NDUFAB1: variants seen among roughly 807,000 people sequenced by gnomAD.
The protein encoded by NDUFAB1 is NADH:ubiquinone oxidoreductase subunit AB1, also known as acyl carrier protein, mitochondrial.
In NDUFAB1, 5 loss-of-function variants were observed where a neutral mutation model predicts 16.1. The observed-to-expected ratio is 0.31, with a 90% CI of 0.16 to 0.65. The LOEUF is 0.65. Ranked by LOEUF, NDUFAB1 falls within the 30% of genes least tolerant of loss-of-function variation. The probability of loss-of-function intolerance (pLI) is 0.77; values close to 1 mark genes in which losing one functional copy is unlikely to be tolerated. For missense variants in NDUFAB1, 187 were observed against 205.3 expected (o/e 0.91, Z 0.54); for synonymous variants, 85 against 78.4 (o/e 1.08, Z -0.44).
At chr16:23,582,565 ATGTTTGTTTGTTTGTT>A (rs56827728) in intron 3 of NDUFAB1, among the ~76,000 whole-genome samples, 190 bp from the exon 4 acceptor site, 3 of 151,460 alleles carry the variant, frequency 2.0e-5, no homozygotes. Flanking sequence ...CTTTGGAGGT[ATGTTTGTTTGTTTGTT>A]TGTTTGTTTG....
At chr16:23,595,747 C>G (rs549240112) in intron 1 of NDUFAB1, 1 of 460,718 alleles carries the variant, frequency 2.2e-6, no homozygotes, top group East Asian at 5.4e-5. Flanking sequence ...ATACGGTGAC[C>G]GCTATTTTGA....
chr16:23,582,242 C>T, intron 4 of NDUFAB1, 34 bp downstream of exon 4: 2 of 1,421,636 alleles, frequency 1.4e-6, no homozygotes, highest in Non-Finnish European at 1.8e-6. Context: ...ACAGACAAAT[C>T]TATGGGTGAA....
chr16:23,586,411 C>G (rs1168876804), intron 2 of NDUFAB1, among the ~76,000 whole-genome samples: 1 of 152,100 alleles, frequency 6.6e-6, no homozygotes, highest in African/African-American at 2.4e-5. Flanking sequence ...TCTCGGCTCA[C>G]TGCACCCTCT....
intron 1 of NDUFAB1, among the ~76,000 whole-genome samples, chr16:23,590,621 G>C (rs1048876701): frequency 6.7e-6 from 1 of 148,998 alleles, no homozygotes; most frequent in Non-Finnish European, 1.5e-5. Flanking sequence ...ACCCTCTCAT[G>C]CTCCTGCCTC....
chr16:23,587,181 A>G lies in NDUFAB1; in HGVS notation c.291+16T>C, dbSNP rs1226665840. The G allele has an allele frequency of 6.9e-6, 11 of 1,604,944 alleles. No individual in the cohort carries two copies. The Admixed American group carries it at 1.4e-4, about 20-fold the overall frequency. ...CTCTATATTTAAAGAAAAAAATTCA[A>G]ACCACCATCAGTTACCTTCTCTGGG... On this transcript the variant is annotated intron_variant, in intron 2 of 4. Coordinates refer to ENST00000007516, the MANE Select transcript of NDUFAB1 (RefSeq NM_005003.3).
intron 1 of NDUFAB1, among the ~76,000 whole-genome samples, chr16:23,594,892 A>G (rs1424765146): frequency 4.6e-5 from 7 of 152,224 alleles, no homozygotes; most frequent in Non-Finnish European, 8.8e-5. Context: ...TTGGGAGTCT[A>G]TCCTACCTTA....
At chr16:23,581,359 A>C (rs922995470) in intron 4 of NDUFAB1, among the ~76,000 whole-genome samples, 186 bp from the exon 5 acceptor site, 2 of 152,196 alleles carry the variant, frequency 1.3e-5, no homozygotes, top group Non-Finnish European at 2.9e-5. Context: ...CAGCCTGGCC[A>C]ACATGGTGAA....
chr16:23,588,199 AATCAC>A (rs1289553553), intron 1 of NDUFAB1, among the ~76,000 whole-genome samples: 1 of 152,244 alleles, frequency 6.6e-6, no homozygotes, highest in Non-Finnish European at 1.5e-5. Context: ...TCACGCCTAT[AATCAC>A]AACACTTTGG....
chr16:23,582,008 C>T lies in NDUFAB1; in HGVS notation c.*8+268G>A, dbSNP rs544575841. The T allele has an allele frequency of 2.1e-4, 49 of 230,404 alleles. No individual in the cohort carries two copies. The highest frequency in any genetic ancestry group is 3.7e-4 in the Non-Finnish European group (45 of 121,144). The allele number at this position is 230,404 out of a possible 1,614,324, so 14.3% of individuals were successfully genotyped here. On this transcript the variant is annotated intron_variant, in intron 4 of 4. Transcript: ENST00000007516. ...GACAGAGGTCTGTTTCCAGGTTACCCTGTTCAGTACTTTGTACAATGTTCT... is the reference window on the plus strand; with the variant it reads ...GACAGAGGTCTGTTTCCAGGTTACCTTGTTCAGTACTTTGTACAATGTTCT...
chr16:23,591,914 G>A (rs549884386), intron 1 of NDUFAB1, among the ~76,000 whole-genome samples: 3 of 152,298 alleles, frequency 2.0e-5, no homozygotes, highest in Non-Finnish European at 4.4e-5. Context: ...TGTGTGCCAA[G>A]AACTGTGCAA....
At chr16:23,590,288 G>A (rs1276666634) in intron 1 of NDUFAB1, among the ~76,000 whole-genome samples, 3 of 152,210 alleles carry the variant, frequency 2.0e-5, no homozygotes, top group South Asian at 2.1e-4. Flanking sequence ...CAGTAAGTTA[G>A]TGGGCAAGAG....
chr16:23,586,306 A>G (rs74899774), intron 2 of NDUFAB1, among the ~76,000 whole-genome samples: 26 of 152,182 alleles, frequency 1.7e-4, no homozygotes, highest in East Asian at 7.8e-4. Flanking sequence ...CAAATCAAAA[A>G]AAAAACTGCC....
intron 1 of NDUFAB1, among the ~76,000 whole-genome samples, chr16:23,593,949 C>T (rs1423906570): frequency 1.3e-5 from 2 of 151,886 alleles, no homozygotes; most frequent in South Asian, 4.1e-4. Flanking sequence ...GGCACGATCT[C>T]GGCTCACTGA....
chr16:23,586,223 G>A (rs1321442176), intron 2 of NDUFAB1, among the ~76,000 whole-genome samples: 2 of 151,868 alleles, frequency 1.3e-5, no homozygotes, highest in Non-Finnish European at 2.9e-5. Context: ...ACTGCGCCTG[G>A]CCAAAGTGTT....
chr16:23,595,959 C>T (rs1425227759), intron 1 of NDUFAB1, among the ~76,000 whole-genome samples, 164 bp downstream of exon 1: 1 of 152,250 alleles, frequency 6.6e-6, no homozygotes, highest in Non-Finnish European at 1.5e-5. Context: ...GGCCTCCCGT[C>T]AGGGGTCAAC....
rs56827728 is a variant in NDUFAB1 at position 23,582,565 on chromosome 16, A to ATGTTTGTTTGTTTGTT, written c.380-206_380-191dup. On this transcript the variant is annotated intron_variant, in intron 3 of 4. Transcript: ENST00000007516. Reference sequence around the variant, plus strand: ...AGGTTGGGTACGATGCTTTGGAGGTATGTTTGTTTGTTTGTTTGTTTGTTT... The same window carrying ATGTTTGTTTGTTTGTT: ...AGGTTGGGTACGATGCTTTGGAGGTATGTTTGTTTGTTTGTTTGTTTGTTTGTTTGTTTGTTTGTTT... Among the ~76,000 whole-genome samples, 17 of 151,574 alleles carry ATGTTTGTTTGTTTGTT rather than the reference A, an allele frequency of 1.1e-4. No individual in the cohort carries two copies. The East Asian group carries it at 1.4e-3, about 12-fold the overall frequency.
intron 3 of NDUFAB1, 124 bp downstream of exon 3, chr16:23,585,212 G>A (rs1356411315): frequency 1.5e-6 from 1 of 686,534 alleles, no homozygotes; most frequent in Middle Eastern, 2.5e-4. Flanking sequence ...TGTGTGAAGG[G>A]CAGTGGATGC....
At chr16:23,586,084 C>G (rs527536423) in intron 2 of NDUFAB1, among the ~76,000 whole-genome samples, 1 of 151,796 alleles carries the variant, frequency 6.6e-6, no homozygotes, top group African/African-American at 2.4e-5. Flanking sequence ...TGCACCACCA[C>G]GCCCAGCTAA....
chr16:23,585,684 C>T (rs1966226805), intron 2 of NDUFAB1, among the ~76,000 whole-genome samples: 1 of 152,184 alleles, frequency 6.6e-6, no homozygotes, highest in South Asian at 2.1e-4. Context: ...TTGACAGGCC[C>T]TGGTAAATGA....
Sources: gnomAD v4.1 joint callset for allele counts (sites outside exome capture counted in the v4.1 genomes callset) on GRCh38, gnomAD v4.1.1 for gene constraint, MANE v1.5 for transcripts, NCBI Gene and HGNC (gene_info 2026-07-23, HGNC 2026-07-21) for gene names.